AHCYL1: variants seen among roughly 807,000 people sequenced by gnomAD.
AHCYL1 encodes the protein S-adenosylhomocysteine hydrolase-like protein 1.
AHCYL1 carries 20 observed loss-of-function variants against 79.3 expected under a neutral mutation model. That is an observed-to-expected ratio of 0.25 (90% CI 0.18 to 0.37). The LOEUF (loss-of-function observed/expected upper bound fraction) is 0.37, where lower values mean the gene tolerates loss of function less well. Among genes scored for constraint, AHCYL1 ranks in the 10% least tolerant of loss-of-function variants. AHCYL1 has a pLI of 1.00. For synonymous variants in AHCYL1, 223 were observed against 242.2 expected (o/e 0.92, Z 0.74); for missense variants, 330 against 673.6 (o/e 0.49, Z 5.65).
chr1:109,992,060 G>A (rs1649787274), intron 1 of AHCYL1, among the ~76,000 whole-genome samples: 1 of 151,156 alleles, frequency 6.6e-6, no homozygotes. Context: ...TGTTTCCTTT[G>A]TGGTTCCAGA....
intron 1 of AHCYL1, among the ~76,000 whole-genome samples, chr1:109,997,569 A>T (rs1387635953): frequency 2.0e-5 from 3 of 152,204 alleles, no homozygotes; most frequent in African/African-American, 7.2e-5. Context: ...GACGGCAGAT[A>T]AGGGTTTGCC....
chr1:110,004,152 T>G lies in AHCYL1; in HGVS notation c.121-4882T>G, dbSNP rs115327718. On this transcript the variant is annotated intron_variant, in intron 1 of 16. Transcript: ENST00000369799. ...TATTGCTTCTGACTGTGGAATTGGA[T>G]TCTAGCTGTGTGTGTGTTATATCCT... is the stretch of plus-strand genomic sequence containing the variant. 5,750 of 985,490 alleles carry G rather than the reference T, an allele frequency of 5.8e-3. 49 individuals carry two copies. The highest frequency in any genetic ancestry group is 0.047 in the South Asian group (990 of 21,290). 61.0% of individuals were successfully genotyped at this position (985,490 alleles called of 1,614,324 possible).
At chr1:110,017,655 A>G in intron 10 of AHCYL1, 72 bp downstream of exon 10, 1 of 1,492,136 alleles carries the variant, frequency 6.7e-7, no homozygotes, top group Non-Finnish European at 9.3e-7. Context: ...ATAATTGAGT[A>G]TATTAATCAT....
intron 1 of AHCYL1, among the ~76,000 whole-genome samples, chr1:109,997,414 G>A (rs1159294905): frequency 1.3e-5 from 2 of 152,166 alleles, no homozygotes; most frequent in Non-Finnish European, 2.9e-5. Flanking sequence ...CAACTAAGCT[G>A]GTGAGCCAGT....
intron 1 of AHCYL1, chr1:109,995,756 T>G: frequency 2.2e-6 from 2 of 917,356 alleles, no homozygotes; most frequent in Non-Finnish European, 2.6e-6. Flanking sequence ...GGCTCTAAAC[T>G]AGAGCTGTGT....
At chr1:110,016,842 TTAGA>T (rs1651451062) in intron 9 of AHCYL1, 112 bp downstream of exon 9, 2 of 1,178,906 alleles carry the variant, frequency 1.7e-6, no homozygotes. Flanking sequence ...TTAAATTTTT[TTAGA>T]TAATGTATCT....
intron 8 of AHCYL1, 68 bp from the exon 9 acceptor site, chr1:110,016,599 T>TA: frequency 6.2e-7 from 1 of 1,607,056 alleles, no homozygotes; most frequent in Non-Finnish European, 8.5e-7. Flanking sequence ...CCCACACTTT[T>TA]AACTTTGTGA....
intron 15 of AHCYL1, among the ~76,000 whole-genome samples, chr1:110,020,291 T>C (rs892006311): frequency 2.6e-5 from 4 of 152,250 alleles, no homozygotes; most frequent in African/African-American, 7.2e-5. Context: ...CTAAGATCCA[T>C]GGATCTTATC....
intron 1 of AHCYL1, among the ~76,000 whole-genome samples, chr1:110,002,348 A>G (rs1650362564): frequency 6.6e-6 from 1 of 152,258 alleles, no homozygotes; most frequent in South Asian, 2.1e-4. Flanking sequence ...TTTGTCAAAA[A>G]GAGTGGAAGG....
chr1:109,995,777 G>C (rs1649998481), intron 1 of AHCYL1: 3 of 812,482 alleles, frequency 3.7e-6, no homozygotes, highest in Non-Finnish European at 4.5e-6. Context: ...AATCAGAATG[G>C]GGGAGGAGCT....
At position 110,023,446 on chromosome 1, in the gene AHCYL1, A is replaced by C. The variant is rs2101751751; in HGVS notation, c.*1766A>C. On this transcript the variant is annotated 3_prime_UTR_variant, in exon 17 of 17. Transcript: ENST00000369799. ...AGGTAACCTGGCCAACAGTGTATCC[A>C]TCACGTTAGCCCTGCTGGAGGGAAG... The C allele has an allele frequency of 6.5e-6, 1 of 152,722 alleles. No individual in the cohort carries two copies. The highest frequency in any genetic ancestry group is 3.4e-3 in the Middle Eastern group (1 of 294). The allele number at this position is 152,722 out of a possible 1,614,324, so 9.5% of individuals were successfully genotyped here. A position where few individuals can be genotyped will look rare whatever the true frequency, so the allele number is the denominator to read the frequency against.
chr1:109,993,058 T>C (rs914081829), intron 1 of AHCYL1, among the ~76,000 whole-genome samples: 2 of 152,208 alleles, frequency 1.3e-5, no homozygotes, highest in African/African-American at 4.8e-5. Context: ...AAAAGACTCA[T>C]TATAAGTGCC....
At chr1:110,007,203 A>G (rs1346978459) in intron 1 of AHCYL1, among the ~76,000 whole-genome samples, 1 of 152,142 alleles carries the variant, frequency 6.6e-6, no homozygotes, top group Non-Finnish European at 1.5e-5. Context: ...GAACATGCCC[A>G]GAACCCTTTG....
intron 2 of AHCYL1, among the ~76,000 whole-genome samples, 163 bp from the exon 3 acceptor site, chr1:110,011,051 C>T (rs1650990482): frequency 2.0e-5 from 3 of 152,152 alleles, no homozygotes; most frequent in Non-Finnish European, 1.5e-5. Context: ...TCATTCATAC[C>T]ACCTATTAGA....
intron 1 of AHCYL1, chr1:109,995,739 A>C: frequency 7.3e-6 from 7 of 962,320 alleles, no homozygotes; most frequent in Non-Finnish European, 8.7e-6. Flanking sequence ...GCAATAACTC[A>C]TTACCTGGCT....
rs940323343 is a variant in AHCYL1, at chr1:110,015,288, A to G, written c.676-137A>G. 6.9e-6 allele frequency: 5 copies of G among 722,228 alleles called. No individual in the cohort carries two copies. In the African/African-American group the frequency reaches 7.1e-5, roughly 10 times the overall value. The allele number at this position is 722,228 out of a possible 1,614,324, so 44.7% of individuals were successfully genotyped here. ...AAATTTGACTGTATTTCCACTCTCT[A>G]AGCCTGCTCTAGGGAGCTCTGAGGA... On this transcript the variant is annotated intron_variant, in intron 6 of 16. Transcript: ENST00000369799.
At chr1:110,017,821 A>G in intron 10 of AHCYL1, 125 bp from the exon 11 acceptor site, 1 of 1,027,388 alleles carries the variant, frequency 9.7e-7, no homozygotes, top group Non-Finnish European at 1.5e-6. Flanking sequence ...AGCAGAGCTT[A>G]TCACTCACCA....
intron 1 of AHCYL1, among the ~76,000 whole-genome samples, chr1:109,995,948 G>A (rs1291581463): frequency 6.6e-6 from 1 of 152,172 alleles, no homozygotes; most frequent in Non-Finnish European, 1.5e-5. Flanking sequence ...GCCCAGGCAC[G>A]GTGGCTCACG....
intron 1 of AHCYL1, among the ~76,000 whole-genome samples, chr1:110,002,985 C>G (rs1650399299): frequency 6.6e-6 from 1 of 152,122 alleles, no homozygotes; most frequent in Admixed American, 6.6e-5. Flanking sequence ...AAGTCAGTAT[C>G]ACAAGGGGGT....
Sources: allele counts gnomAD v4.1 joint callset (sites outside exome capture counted in the v4.1 genomes callset), GRCh38; gene constraint gnomAD v4.1.1; transcripts MANE v1.5; gene names NCBI Gene and HGNC (gene_info 2026-07-23, HGNC 2026-07-21).